The following DCC variants were observed in gnomAD, a reference collection of about 807,000 sequenced individuals.
DCC encodes the protein DCC netrin 1 receptor.
Under a neutral mutation model 172.5 loss-of-function variants are expected in DCC, and 58 were observed. The ratio of observed to expected loss-of-function variants is 0.34; its 90% CI spans 0.27 to 0.42. DCC has a LOEUF of 0.42. DCC is among the 10% of genes least tolerant of loss of function. The pLI is 1.00. For missense variants in DCC, 1,740 were observed against 1,791.0 expected, an observed-to-expected ratio of 0.97 and a Z score of 0.51; for synonymous variants, 709 against 644.5, an observed-to-expected ratio of 1.10 and a Z score of -1.52.
chr18:53,383,070 C>T (rs1276848505), intron 15 of DCC, among the ~76,000 whole-genome samples: 2 of 152,042 alleles, frequency 1.3e-5, no homozygotes, highest in African/African-American at 4.8e-5. Context: ...TTTCCTTGCT[C>T]TGTTTTCTGC....
At chr18:53,175,485 C>G (rs12455021) in intron 8 of DCC, among the ~76,000 whole-genome samples, 49,077 of 148,866 alleles carry the variant, frequency 0.33, 9,883 homozygotes, top group East Asian at 0.58. Context: ...AAAGTCTCAG[C>G]ATACAAAATC....
chr18:52,737,162 A>T (rs149829030), intron 1 of DCC, among the ~76,000 whole-genome samples: 1 of 152,068 alleles, frequency 6.6e-6, no homozygotes, highest in Non-Finnish European at 1.5e-5. Context: ...TTTTTTTTAT[A>T]TTAGAGACGA....
chr18:53,137,642 C>A (rs1017455481), intron 7 of DCC, among the ~76,000 whole-genome samples: 3 of 152,236 alleles, frequency 2.0e-5, no homozygotes, highest in African/African-American at 7.2e-5. Context: ...GTACAGTCAT[C>A]TTAGATGGCT....
intron 5 of DCC, among the ~76,000 whole-genome samples, chr18:53,034,237 G>C (rs1472080655): frequency 6.6e-6 from 1 of 151,950 alleles, no homozygotes; most frequent in Admixed American, 6.6e-5. Context: ...GATATCTCAT[G>C]TATAACATGA....
intron 2 of DCC, among the ~76,000 whole-genome samples, chr18:52,762,484 A>C (rs2037178159): frequency 6.6e-6 from 1 of 151,570 alleles, no homozygotes; most frequent in African/African-American, 2.4e-5. Context: ...AAAAAAAAAA[A>C]ACAAACATTT....
chr18:53,142,699 C>A (rs1302238088), intron 7 of DCC, among the ~76,000 whole-genome samples: 1 of 152,180 alleles, frequency 6.6e-6, no homozygotes, highest in African/African-American at 2.4e-5. Flanking sequence ...CCACTGCTAA[C>A]GTCTCACATG....
chr18:52,836,064 G>C (rs1220524316), intron 2 of DCC, among the ~76,000 whole-genome samples: 1 of 152,162 alleles, frequency 6.6e-6, no homozygotes, highest in African/African-American at 2.4e-5. Context: ...CAGGAAGGAG[G>C]CTAATGAGTG....
In DCC at chr18:53,450,545, C is replaced by A; in HGVS notation, c.3275C>A (p.Pro1092His). Residue 1092 changes from proline to histidine, a missense_variant, in exon 23 of 29, where the codon CCT (proline) becomes CAT (histidine). Physicochemically the swap from Pro to His is moderately conservative, Grantham distance 77. Coordinates refer to ENST00000442544, the MANE Select transcript of DCC (RefSeq NM_005215.4). ...CACCCCCCGCATGGCAGTGTCACTC[C>A]TCAGAAGAACAGCAACCTGCTTGTG... ...QMHPPHGSVT[P>H]QKNSNLLVII... is the part of the protein sequence containing the mutation. The A allele has an allele frequency of 6.2e-7, 1 of 1,614,084 alleles. No homozygotes were observed. Among genetic ancestry groups the A allele is most frequent in the Non-Finnish European group, 8.5e-7 (1 of 1,180,014 alleles).
At chr18:52,419,644 C>T (rs1031280329) in intron 1 of DCC, 1 of 150,806 alleles carries the variant, frequency 6.6e-6, no homozygotes, top group Non-Finnish European at 1.5e-5. Context: ...TACCCCAGGG[C>T]ATTTGTCATT....
intron 2 of DCC, among the ~76,000 whole-genome samples, chr18:52,894,504 A>G (rs1262184793): frequency 6.6e-6 from 1 of 151,002 alleles, no homozygotes; most frequent in Non-Finnish European, 1.5e-5. Flanking sequence ...TTTATATAAT[A>G]TATAGGATCT....
At chr18:53,421,443 T>G (rs1335777372) in intron 21 of DCC, among the ~76,000 whole-genome samples, 1 of 152,114 alleles carries the variant, frequency 6.6e-6, no homozygotes, top group East Asian at 1.9e-4. Flanking sequence ...GGAAAAGGGG[T>G]GATCTGAAAC....
chr18:53,002,667 T>C (rs2041584289), intron 5 of DCC, among the ~76,000 whole-genome samples: 1 of 146,872 alleles, frequency 6.8e-6, no homozygotes, highest in African/African-American at 2.5e-5. Flanking sequence ...TATTTATTTA[T>C]TTTATTATAC....
At chr18:52,751,956 C>CAA in intron 1 of DCC, 98 bp from the exon 2 acceptor site, 1 of 1,044,916 alleles carries the variant, frequency 9.6e-7, no homozygotes. Flanking sequence ...TCAAAGCCCT[C>CAA]AGCTTTTGTG....
chr18:52,910,401 T>C (rs1021490405), intron 3 of DCC, among the ~76,000 whole-genome samples: 3 of 152,216 alleles, frequency 2.0e-5, no homozygotes, highest in Non-Finnish European at 4.4e-5. Context: ...AATTAGTACC[T>C]AGTTTCATTT....
rs4449020 is a variant in DCC at position 53,118,093 on chromosome 18, C to T, written c.1262-39263C>T. Reference sequence around the variant, plus strand: ...TTGATTACACACAAGTCAGCAAATTCCCAATGCTTCATTTGCATTTATCAG... The same window carrying T: ...TTGATTACACACAAGTCAGCAAATTTCCAATGCTTCATTTGCATTTATCAG... On this transcript the variant is annotated intron_variant, in intron 7 of 28. Transcript: ENST00000442544. 2.2e-3 allele frequency among the ~76,000 whole-genome samples: 338 copies of T among 151,846 alleles called. 2 individuals are homozygous for T. Among genetic ancestry groups the T allele is most frequent in the African/African-American group, 7.6e-3 (314 of 41,492 alleles).
At chr18:52,646,043 A>G (rs1214520793) in intron 1 of DCC, among the ~76,000 whole-genome samples, 1 of 152,188 alleles carries the variant, frequency 6.6e-6, no homozygotes, top group Non-Finnish European at 1.5e-5. Context: ...GCATGATGAC[A>G]TACTGGAGAG....
intron 5 of DCC, among the ~76,000 whole-genome samples, chr18:53,040,127 A>C (rs1231839414): frequency 6.6e-6 from 1 of 152,046 alleles, no homozygotes; most frequent in Non-Finnish European, 1.5e-5. Flanking sequence ...AAGTGTGAAA[A>C]ATATAGATAA....
intron 7 of DCC, among the ~76,000 whole-genome samples, chr18:53,112,281 T>TA (rs933128225): frequency 6.2e-4 from 93 of 150,486 alleles, no homozygotes; most frequent in African/African-American, 2.0e-3. Context: ...CTTATAATAC[T>TA]AAAAAAAAAG....
intron 28 of DCC, among the ~76,000 whole-genome samples, chr18:53,528,153 T>C (rs2046480289): frequency 6.6e-6 from 1 of 152,162 alleles, no homozygotes; most frequent in Admixed American, 6.5e-5. Flanking sequence ...TGATATCTGG[T>C]TGTTGTTAAA....
Sources: allele counts gnomAD v4.1 joint callset (sites outside exome capture counted in the v4.1 genomes callset), GRCh38; gene constraint gnomAD v4.1.1; transcripts MANE v1.5; gene names NCBI Gene and HGNC (gene_info 2026-07-23, HGNC 2026-07-21).